The following LRP1B variants were observed in gnomAD, a reference collection of about 807,000 sequenced individuals.
LRP1B encodes low-density lipoprotein receptor-related protein 1B.
Under a neutral mutation model 556.6 loss-of-function variants are expected in LRP1B, and 217 were observed. That is an observed-to-expected ratio of 0.39 (90% CI 0.35 to 0.44). LRP1B has a LOEUF of 0.44. Ranked by LOEUF, LRP1B falls within the 20% of genes least tolerant of loss-of-function variation. LRP1B has a pLI of 1.00. For missense variants in LRP1B, 5,053 were observed against 5,620.8 expected (o/e 0.90, Z 3.23); for synonymous variants, 2,047 against 1,865.8 (o/e 1.10, Z -2.50).
intron 86 of LRP1B, among the ~76,000 whole-genome samples, chr2:140,257,641 A>AG (rs1681755677): frequency 6.6e-6 from 1 of 152,182 alleles, no homozygotes; most frequent in Non-Finnish European, 1.5e-5. Context: ...AGAATCATAA[A>AG]GGATAGACAT....
intron 67 of LRP1B, among the ~76,000 whole-genome samples, chr2:140,381,312 G>A (rs1427836996): frequency 6.6e-6 from 1 of 151,988 alleles, no homozygotes; most frequent in Non-Finnish European, 1.5e-5. Flanking sequence ...CAACATGACT[G>A]TAGTAAAAGC....
intron 3 of LRP1B, among the ~76,000 whole-genome samples, chr2:141,401,156 C>T (rs1055883067): frequency 2.0e-5 from 3 of 152,118 alleles, no homozygotes; most frequent in African/African-American, 7.2e-5. Context: ...CATTAAAATA[C>T]TGATTTATAA....
intron 86 of LRP1B, among the ~76,000 whole-genome samples, chr2:140,249,148 A>G (rs565222874): frequency 6.6e-6 from 1 of 151,814 alleles, no homozygotes; most frequent in African/African-American, 2.4e-5. Flanking sequence ...ACACTTTCGG[A>G]AAAGATTTGA....
chr2:140,851,583 T>C (rs1476040871), intron 28 of LRP1B, 69 bp downstream of exon 28: 3 of 1,547,102 alleles, frequency 1.9e-6, no homozygotes, highest in East Asian at 2.3e-5. Context: ...GAGTAAAATC[T>C]GAATGCTAAT....
intron 51 of LRP1B, among the ~76,000 whole-genome samples, chr2:140,514,144 C>T (rs1199453662): frequency 1.3e-5 from 2 of 151,918 alleles, no homozygotes; most frequent in Non-Finnish European, 2.9e-5. Flanking sequence ...TATAAAGCTA[C>T]ATTTTAAAGT....
chr2:141,496,831 T>G (rs1683525648), intron 2 of LRP1B, among the ~76,000 whole-genome samples: 1 of 151,900 alleles, frequency 6.6e-6, no homozygotes, highest in South Asian at 2.1e-4. Flanking sequence ...TGAGAAATTA[T>G]GAAAAAAGAA....
intron 25 of LRP1B, among the ~76,000 whole-genome samples, chr2:140,882,841 C>G (rs1693515953): frequency 6.6e-6 from 1 of 152,156 alleles, no homozygotes; most frequent in Admixed American, 6.6e-5. Context: ...GAGCTCCTCT[C>G]TCATTGAAGC....
chr2:141,545,635 A>G (rs1384193146), intron 2 of LRP1B, among the ~76,000 whole-genome samples: 1 of 152,180 alleles, frequency 6.6e-6, no homozygotes, highest in Non-Finnish European at 1.5e-5. Flanking sequence ...GCTTGAGCCC[A>G]GCAGTTTGAG....
rs767608226 is a variant in LRP1B at position 140,321,960 on chromosome 2, C to A, written c.12640+3G>T. 6.2e-7 allele frequency: 1 copy of A among 1,611,204 alleles called. No homozygotes were observed. The highest frequency in any genetic ancestry group is 2.2e-5 in the East Asian group (1 of 44,742). ...TATTTACAGAATAATAAAGTATACC[C>A]ACCTAACAGGCTGTCATCATTGCAG... On this transcript the variant is annotated splice_donor_region_variant and intron_variant, in intron 82 of 90. Coordinates refer to ENST00000389484, the MANE Select transcript of LRP1B (RefSeq NM_018557.3).
chr2:141,222,234 A>C (rs1324581794), intron 6 of LRP1B, among the ~76,000 whole-genome samples: 1 of 152,224 alleles, frequency 6.6e-6, no homozygotes, highest in Admixed American at 6.5e-5. Flanking sequence ...AGAAATACAA[A>C]CAACCATCAG....
chr2:140,923,178 A>AG (rs761049333), intron 20 of LRP1B, 31 bp from the exon 21 acceptor site: 18 of 1,545,736 alleles, frequency 1.2e-5, no homozygotes, highest in African/African-American at 2.7e-5. Context: ...AGAGAAGCAG[A>AG]GGGGGGCAAG....
chr2:140,422,441 A>G (rs1298097126), intron 66 of LRP1B, among the ~76,000 whole-genome samples: 3 of 152,196 alleles, frequency 2.0e-5, no homozygotes, highest in Non-Finnish European at 4.4e-5. Context: ...ATGACTAAAT[A>G]TGCTGCATTA....
chr2:140,895,815 T>C (rs10194398), intron 23 of LRP1B, among the ~76,000 whole-genome samples: 27,359 of 151,992 alleles, frequency 0.18, 2,647 homozygotes, highest in Non-Finnish European at 0.21. Flanking sequence ...TTCTCCAAGG[T>C]CCCACCGTCA....
chr2:141,606,307 T>C (rs16855067), intron 2 of LRP1B, among the ~76,000 whole-genome samples: 16,872 of 152,222 alleles, frequency 0.11, 1,135 homozygotes, highest in South Asian at 0.25. Flanking sequence ...TAAAAATGTA[T>C]GCAGGTAATA....
intron 2 of LRP1B, among the ~76,000 whole-genome samples, chr2:141,651,441 A>T (rs945032540): frequency 6.6e-6 from 1 of 152,184 alleles, no homozygotes; most frequent in South Asian, 2.1e-4. Context: ...AGGCAGGCAG[A>T]TCACTTGAGG....
At chr2:141,189,612 T>A (rs80121745) in intron 6 of LRP1B, among the ~76,000 whole-genome samples, 7,851 of 151,974 alleles carry the variant, frequency 0.052, 241 homozygotes, top group African/African-American at 0.078. Flanking sequence ...TCTACTTAGA[T>A]TAATTTGGCC....
intron 35 of LRP1B, among the ~76,000 whole-genome samples, chr2:140,740,992 T>C (rs1030225410): frequency 6.6e-6 from 1 of 152,152 alleles, no homozygotes; most frequent in Admixed American, 6.5e-5. Flanking sequence ...CAGCCCATAA[T>C]AGGTATCTTC....
chr2:141,054,388 A>C (rs578027177), intron 10 of LRP1B, among the ~76,000 whole-genome samples: 65 of 152,004 alleles, frequency 4.3e-4, no homozygotes, highest in Non-Finnish European at 6.9e-4. Flanking sequence ...CATTTCAATC[A>C]GGGCCGTTCT....
At chr2:140,361,715 T>G (rs1682526552) in intron 72 of LRP1B, among the ~76,000 whole-genome samples, 2 of 151,380 alleles carry the variant, frequency 1.3e-5, no homozygotes, top group African/African-American at 4.8e-5. Context: ...CTCAATATTC[T>G]TTGATAATCC....
Sources: allele counts gnomAD v4.1 joint callset (sites outside exome capture counted in the v4.1 genomes callset), GRCh38; gene constraint gnomAD v4.1.1; transcripts MANE v1.5; gene names NCBI Gene and HGNC (gene_info 2026-07-23, HGNC 2026-07-21).